FAM186A: variants seen among roughly 807,000 people sequenced by gnomAD.
FAM186A encodes the protein family with sequence similarity 186 member A.
A neutral mutation model predicts 216.8 loss-of-function variants in FAM186A; 163 were observed. The observed-to-expected ratio is 0.75, with a 90% confidence interval of 0.66 to 0.86. The LOEUF (loss-of-function observed/expected upper bound fraction) is 0.86. FAM186A is among the 40% of genes least tolerant of loss of function. The probability of loss-of-function intolerance (pLI) is 0.00; values close to 1 mark genes in which losing one functional copy is unlikely to be tolerated. For synonymous variants in FAM186A, 805 were observed against 1,025.3 expected (o/e 0.79, Z 4.10); for missense variants, 2,184 against 2,746.2 (o/e 0.80, Z 4.58).
chr12:50,327,558 T>C (rs1401059409), intron 7 of FAM186A, among the ~76,000 whole-genome samples, 154 bp from the exon 8 acceptor site: 1 of 151,394 alleles, frequency 6.6e-6, no homozygotes, highest in Non-Finnish European at 1.5e-5. Flanking sequence ...TTTTTTTTTT[T>C]TGAGACAGGG....
chr12:50,371,898 G>A (rs1281878000), intron 1 of FAM186A, among the ~76,000 whole-genome samples: 3 of 151,754 alleles, frequency 2.0e-5, no homozygotes, highest in South Asian at 2.1e-4. Flanking sequence ...CGGCAACATC[G>A]GCCTCCTGGG....
chr12:50,366,954 C>G (rs1005776702), intron 1 of FAM186A, among the ~76,000 whole-genome samples: 1 of 152,026 alleles, frequency 6.6e-6, no homozygotes, highest in African/African-American at 2.4e-5. Flanking sequence ...GTCAAGGCTG[C>G]AGTAAGCCAT....
chr12:50,354,308 G>A lies in FAM186A; in HGVS notation c.2524C>T (p.Gln842Ter). 1 of 1,551,594 alleles carries A rather than the reference G, an allele frequency of 6.4e-7. No individual in the cohort carries two copies. Residue 842 changes from glutamine to a stop codon, truncating the protein, a stop_gained, in exon 4 of 8, where the codon CAG becomes TAG. Coordinates refer to ENST00000327337, the MANE Select transcript of FAM186A (RefSeq NM_001145475.3). LOFTEE classifies it high-confidence loss of function. The stretch of plus-strand genomic sequence containing the variant: ...AAGAGATTTCTTTCTCCCAGCAACT[G>A]CTGTTTGAGACTCATGCCAGACATT... ...EQMSGMSLKQ[Q>*]LLGERNLLKE...
At chr12:50,345,659 G>A (rs149956406) in intron 4 of FAM186A, among the ~76,000 whole-genome samples, 1 of 152,104 alleles carries the variant, frequency 6.6e-6, no homozygotes, top group East Asian at 1.9e-4. Context: ...GATGATTGTG[G>A]GTATGGGGCT....
chr12:50,396,387 A>C lies in FAM186A; in HGVS notation c.98T>G (p.Leu33Arg). Residue 33 changes from leucine (L) to arginine (R), a missense_variant, in exon 1 of 8, where the codon CTT (leucine) becomes CGT (arginine). Around this residue, in one of 7 missense-constraint regions of FAM186A, gnomAD observed 1,132 missense variants for 1,263.4 expected, o/e 0.90. Transcript: ENST00000327337. ...TIMRREPQNI[L>R]SPLMLPNLEI... is the part of the protein sequence containing the mutation. ...AAGGTTAGGGAGCATCAAAGGACTA[A>C]GGATATTTTGGGGCTCTCTTCTCAT... is the stretch of plus-strand genomic sequence containing the variant. The C allele has an allele frequency of 6.4e-7, 1 of 1,551,648 alleles. No individual in the cohort carries two copies. The highest frequency in any genetic ancestry group is 8.7e-7 in the Non-Finnish European group (1 of 1,146,980).
At chr12:50,334,223 G>A (rs1942685599) in intron 4 of FAM186A, 120 bp from the exon 5 acceptor site, 3 of 803,462 alleles carry the variant, frequency 3.7e-6, no homozygotes, top group East Asian at 5.5e-5. Context: ...CAGGCTGGAG[G>A]TGCAATGGTG....
At chr12:50,362,416 T>C (rs1324483744) in intron 2 of FAM186A, among the ~76,000 whole-genome samples, 1 of 152,116 alleles carries the variant, frequency 6.6e-6, no homozygotes, top group African/African-American at 2.4e-5. Context: ...AGGTTAATTA[T>C]ATAGGAAGTC....
chr12:50,342,022 A>C (rs1456963761), intron 4 of FAM186A, among the ~76,000 whole-genome samples: 5 of 152,190 alleles, frequency 3.3e-5, no homozygotes, highest in Admixed American at 3.3e-4. Flanking sequence ...ATTATACCAA[A>C]ACTTCACAAA....
At chr12:50,341,770 G>A (rs1339763018) in intron 4 of FAM186A, among the ~76,000 whole-genome samples, 1 of 152,142 alleles carries the variant, frequency 6.6e-6, no homozygotes, top group East Asian at 1.9e-4. Flanking sequence ...AGGAGGCGGA[G>A]GTTGCAATGA....
chr12:50,392,765 A>ATTTT (rs71083559), intron 1 of FAM186A, among the ~76,000 whole-genome samples: 5 of 118,468 alleles, frequency 4.2e-5, no homozygotes, highest in African/African-American at 9.3e-5. Context: ...CACTTGGCTA[A>ATTTT]TTTTTTTTTT....
At chr12:50,361,540 A>G (rs1026677951) in intron 2 of FAM186A, among the ~76,000 whole-genome samples, 1 of 145,456 alleles carries the variant, frequency 6.9e-6, no homozygotes, top group Non-Finnish European at 1.5e-5. Context: ...AGCCCCAATT[A>G]ACTCATTTGG....
Position 50,354,327 on chromosome 12 carries a change from AG to A in FAM186A, c.2504del (p.Ser835LeufsTer3). The A allele has an allele frequency of 6.4e-7, 1 of 1,551,638 alleles. No homozygotes were observed. Among genetic ancestry groups the A allele is most frequent in the East Asian group, 2.4e-5 (1 of 40,924 alleles). ...QYLQEGQEQM[S>X]GMSLKQQLLG... Reference sequence around the variant, plus strand: ...GCAACTGCTGTTTGAGACTCATGCCAGACATTTGTTCTTGACCCTCTTGCAA... The same window carrying A: ...GCAACTGCTGTTTGAGACTCATGCCAACATTTGTTCTTGACCCTCTTGCAA... On this transcript the variant is annotated frameshift_variant, in exon 4 of 8. Coordinates refer to ENST00000327337, the MANE Select transcript of FAM186A (RefSeq NM_001145475.3). LOFTEE classifies it high-confidence loss of function.
intron 1 of FAM186A, among the ~76,000 whole-genome samples, chr12:50,394,984 C>T (rs1365989598): frequency 6.6e-6 from 1 of 150,890 alleles, no homozygotes; most frequent in East Asian, 2.0e-4. Flanking sequence ...CTCACCTTGA[C>T]CTCCTAAAGT....
intron 1 of FAM186A, among the ~76,000 whole-genome samples, chr12:50,392,110 T>A (rs1943362011): frequency 7.9e-6 from 1 of 126,390 alleles, no homozygotes; most frequent in Admixed American, 1.0e-4. Context: ...TAATATACAG[T>A]GACAGAAGCA....
At chr12:50,329,099 G>A (rs1328511275) in intron 7 of FAM186A, among the ~76,000 whole-genome samples, 2 of 152,074 alleles carry the variant, frequency 1.3e-5, no homozygotes, top group African/African-American at 4.8e-5. Flanking sequence ...TAGCATGGAC[G>A]ACAGAGGAAG....
rs1319660741 is a variant in FAM186A, at chr12:50,351,278, G to T, written c.5554C>A (p.Leu1852Ile). The stretch of plus-strand genomic sequence containing the variant: ...TGCCCAGGAGAAAGAGGAGCCCAGA[G>T]ACTTGGAATCTGTCCAGAAGTGGGT... ...VPPTSGQIPS[L>I]WAPLSPGQPL... The change falls in exon 4 of 8, where the codon CTC becomes ATC. Residue 1852 changes from leucine (L) to isoleucine (I), a missense_variant. Physicochemically the swap from Leu to Ile is conservative, Grantham distance 5. Transcript: ENST00000327337. 6.5e-7 allele frequency: 1 copy of T among 1,549,498 alleles called. No individual in the cohort carries two copies. The highest frequency in any genetic ancestry group is 8.7e-7 in the Non-Finnish European group (1 of 1,146,224).
chr12:50,327,530 G>T, intron 7 of FAM186A, 126 bp from the exon 8 acceptor site: 19 of 577,480 alleles, frequency 3.3e-5, no homozygotes, highest in Non-Finnish European at 5.5e-5. Context: ...AGTAAAATCT[G>T]TATGTAATCC....
At chr12:50,375,716 C>CAA (rs1188382834) in intron 1 of FAM186A, among the ~76,000 whole-genome samples, 3 of 112,830 alleles carry the variant, frequency 2.7e-5, no homozygotes, top group African/African-American at 9.2e-5. Flanking sequence ...GACTCCATCT[C>CAA]AAAAAAAAAA....
At chr12:50,347,551 T>G (rs1037127840) in intron 4 of FAM186A, among the ~76,000 whole-genome samples, 18 of 151,700 alleles carry the variant, frequency 1.2e-4, no homozygotes, top group African/African-American at 2.4e-5. Flanking sequence ...GCCAACATGG[T>G]GAAACCCCAT....
Sources: gnomAD v4.1 joint callset for allele counts (sites outside exome capture counted in the v4.1 genomes callset) on GRCh38, gnomAD v4.1.1 for gene constraint, gnomAD v4.1.1 regional missense constraint, MANE v1.5 for transcripts, NCBI Gene and HGNC (gene_info 2026-07-23, HGNC 2026-07-21) for gene names.